Variants in TMEM72 observed in about 807,000 individuals in gnomAD.
TMEM72 encodes the protein transmembrane protein 72.
Under a neutral mutation model 16.3 loss-of-function variants are expected in TMEM72, and 9 were observed. The observed-to-expected ratio is 0.55, with a 90% CI of 0.33 to 0.96. The LOEUF is 0.96. Ranked by LOEUF, TMEM72 falls within the 40% of genes least tolerant of loss-of-function variation. The probability of loss-of-function intolerance (pLI) is 0.03; values close to 1 mark genes in which losing one functional copy is unlikely to be tolerated. For missense variants in TMEM72, 324 were observed against 337.8 expected (o/e 0.96, Z 0.32); for synonymous variants, 160 against 146.5 (o/e 1.09, Z -0.66).
At chr10:44,932,359 C>A (rs1432440664) in intron 3 of TMEM72, among the ~76,000 whole-genome samples, 1 of 152,256 alleles carries the variant, frequency 6.6e-6, no homozygotes, top group African/African-American at 2.4e-5. Flanking sequence ...CCAGGAGCAG[C>A]CAGTCACTGG....
At chr10:44,913,916 G>T (rs1054349265) in intron 1 of TMEM72, among the ~76,000 whole-genome samples, 1 of 152,212 alleles carries the variant, frequency 6.6e-6, no homozygotes, top group African/African-American at 2.4e-5. Flanking sequence ...GAGGTGGGGA[G>T]TGTGGATTTC....
chr10:44,922,086 A>G (rs910527147), intron 1 of TMEM72, among the ~76,000 whole-genome samples: 2 of 152,042 alleles, frequency 1.3e-5, no homozygotes, highest in African/African-American at 4.8e-5. Flanking sequence ...TTCTGGGCCC[A>G]CTCTGCTCCT....
At chr10:44,930,711 C>G (rs1207714534) in intron 2 of TMEM72, among the ~76,000 whole-genome samples, 2 of 152,122 alleles carry the variant, frequency 1.3e-5, no homozygotes, top group African/African-American at 4.8e-5. Flanking sequence ...TAACTAATCA[C>G]AGGGAGAGAG....
chr10:44,934,005 C>T (rs1484283381), intron 4 of TMEM72, among the ~76,000 whole-genome samples: 2 of 152,188 alleles, frequency 1.3e-5, no homozygotes, highest in East Asian at 3.9e-4. Flanking sequence ...TTCACAGAGC[C>T]GTACAGAAGT....
At chr10:44,919,580 G>C (rs530528913) in intron 1 of TMEM72, among the ~76,000 whole-genome samples, 1 of 152,242 alleles carries the variant, frequency 6.6e-6, no homozygotes. Context: ...TCTGACAAAA[G>C]ATGTAAAACA....
intron 4 of TMEM72, 111 bp downstream of exon 4, chr10:44,933,887 C>G (rs780344414): frequency 7.5e-7 from 1 of 1,327,866 alleles, no homozygotes; most frequent in Non-Finnish European, 1.0e-6. Flanking sequence ...ACCTTACCTG[C>G]CCCACTGCCC....
chr10:44,915,657 G>T lies in TMEM72; in HGVS notation c.70+4075G>T, dbSNP rs565573482. 1.4e-4 allele frequency among the ~76,000 whole-genome samples: 22 copies of T among 152,256 alleles called. No homozygotes were observed. The South Asian group carries it at 4.6e-3, about 32-fold the overall frequency. On this transcript the variant is annotated intron_variant, in intron 1 of 4. Transcript: ENST00000389583. ...GAACTTCCCCATCCTCTACCCTCAT[G>T]CTCCTGCCCTTGGTCAGTTCTGATC...
At position 44,935,505 on chromosome 10, in the gene TMEM72, C is replaced by A. The variant is rs932482496; in HGVS notation, c.*371C>A. 7 of 201,102 alleles carry A rather than the reference C, an allele frequency of 3.5e-5. No homozygotes were observed. Among genetic ancestry groups the A allele is most frequent in the African/African-American group, 1.6e-4 (7 of 43,354 alleles). 12.5% of individuals were successfully genotyped at this position (201,102 alleles called of 1,614,324 possible). On this transcript the variant is annotated 3_prime_UTR_variant, in exon 5 of 5. Transcript: ENST00000389583. ...AGCAAAAGCCTCTGGGCTTTTCTTA[C>A]TCCCAACCCAGGGCACAACACTCAG...
intron 1 of TMEM72, among the ~76,000 whole-genome samples, chr10:44,920,572 C>A (rs1840079744): frequency 6.6e-6 from 1 of 152,142 alleles, no homozygotes. Flanking sequence ...GAACAACAAG[C>A]AACACTGGTG....
intron 1 of TMEM72, among the ~76,000 whole-genome samples, chr10:44,915,221 G>A (rs569341298): frequency 1.3e-5 from 2 of 152,308 alleles, no homozygotes; most frequent in East Asian, 3.9e-4. Flanking sequence ...CATCTCCAGG[G>A]CTGAATTTCA....
chr10:44,933,859 C>T, intron 4 of TMEM72, 83 bp downstream of exon 4: 1 of 1,471,834 alleles, frequency 6.8e-7, no homozygotes, highest in Non-Finnish European at 9.0e-7. Flanking sequence ...AAGTCTAGCT[C>T]CAGTGGTGGC....
At chr10:44,918,139 A>T (rs1359965801) in intron 1 of TMEM72, among the ~76,000 whole-genome samples, 5 of 152,110 alleles carry the variant, frequency 3.3e-5, no homozygotes, top group Non-Finnish European at 7.3e-5. Context: ...AGATTTATTG[A>T]CTATCACGAG....
chr10:44,928,057 A>G (rs2132724108), intron 2 of TMEM72, 70 bp downstream of exon 2: 1 of 1,542,952 alleles, frequency 6.5e-7, no homozygotes, highest in South Asian at 1.1e-5. Context: ...CTGTCTACTC[A>G]GAATAACTCA....
intron 1 of TMEM72, among the ~76,000 whole-genome samples, chr10:44,918,158 G>A (rs1000598396): frequency 2.6e-5 from 4 of 152,082 alleles, no homozygotes; most frequent in African/African-American, 4.8e-5. Flanking sequence ...AGAACAACAC[G>A]TGAAAAACTT....
chr10:44,928,037 C>T (rs774879499), intron 2 of TMEM72, 50 bp downstream of exon 2: 1 of 1,587,944 alleles, frequency 6.3e-7, no homozygotes, highest in Non-Finnish European at 8.6e-7. Flanking sequence ...CTGCTCAACT[C>T]ACCCTACATC....
chr10:44,931,324 T>A (rs1190717085), intron 2 of TMEM72, among the ~76,000 whole-genome samples: 1 of 152,188 alleles, frequency 6.6e-6, no homozygotes, highest in Admixed American at 6.5e-5. Flanking sequence ...ATTCTACACA[T>A]TCCTCAGGAG....
intron 3 of TMEM72, 118 bp downstream of exon 3, chr10:44,932,187 G>A (rs1840310201): frequency 1.6e-6 from 2 of 1,243,422 alleles, no homozygotes; most frequent in South Asian, 1.3e-5. Context: ...CTGTGGACAG[G>A]AGCCCCCCAC....
At chr10:44,924,474 A>T (rs1041990927) in intron 1 of TMEM72, among the ~76,000 whole-genome samples, 2 of 152,190 alleles carry the variant, frequency 1.3e-5, no homozygotes, top group Admixed American at 1.3e-4. Flanking sequence ...TGCCTGGCCC[A>T]ACCGGTAACC....
chr10:44,920,393 A>T (rs1589040901), intron 1 of TMEM72, among the ~76,000 whole-genome samples: 1 of 152,244 alleles, frequency 6.6e-6, no homozygotes, highest in African/African-American at 2.4e-5. Flanking sequence ...ATATCCCCTC[A>T]GTAGGCAGCC....
Sources: gnomAD v4.1 joint callset for allele counts (sites outside exome capture counted in the v4.1 genomes callset) on GRCh38, gnomAD v4.1.1 for gene constraint, MANE v1.5 for transcripts, NCBI Gene and HGNC (gene_info 2026-07-23, HGNC 2026-07-21) for gene names.